The following EPB41L4B variants were observed in gnomAD, a reference collection of about 807,000 sequenced individuals.
The protein encoded by EPB41L4B is band 4.1-like protein 4B.
A neutral mutation model predicts 112.5 loss-of-function variants in EPB41L4B; 30 were observed. The observed-to-expected ratio is 0.27, with a 90% confidence interval of 0.20 to 0.36. The LOEUF is 0.36. Ranked by LOEUF, EPB41L4B falls within the 10% of genes least tolerant of loss-of-function variation. EPB41L4B has a pLI of 1.00. For missense variants in EPB41L4B, 1,024 were observed against 1,133.3 expected, an observed-to-expected ratio of 0.90 and a Z score of 1.38; for synonymous variants, 408 against 439.7, an observed-to-expected ratio of 0.93 and a Z score of 0.90.
At chr9:109,198,267 C>T (rs913766366) in intron 20 of EPB41L4B, among the ~76,000 whole-genome samples, 8 of 152,128 alleles carry the variant, frequency 5.3e-5, no homozygotes, top group African/African-American at 1.4e-4. Context: ...CTGGGTACCC[C>T]CTAAACTCCA....
Position 109,194,367 on chromosome 9 carries a change from G to A in EPB41L4B, c.2076C>T (p.Ala692=), listed in dbSNP as rs776435613. 4.3e-6 allele frequency: 7 copies of A among 1,614,106 alleles called. No homozygotes were observed. The highest frequency in any genetic ancestry group is 1.1e-5 in the South Asian group (1 of 91,086). The change falls in exon 21 of 26, where the codon GCC becomes GCT. Residue 692 remains alanine, a synonymous_variant. Transcript: ENST00000374566. ...TAGATGTGGTCACTCCCACTGCCTCGGCCAGGTCTGGAGGGAGGTCGTCTT... is the reference window on the plus strand; with the variant it reads ...TAGATGTGGTCACTCCCACTGCCTCAGCCAGGTCTGGAGGGAGGTCGTCTT... ...FDEDDLPPDL[A]EAVGVTTSTT...
chr9:109,269,326 G>C (rs916779312), intron 2 of EPB41L4B, among the ~76,000 whole-genome samples: 2 of 152,202 alleles, frequency 1.3e-5, no homozygotes, highest in Non-Finnish European at 2.9e-5. Context: ...CTCTAGCTTT[G>C]ACCAAAAGAA....
intron 6 of EPB41L4B, among the ~76,000 whole-genome samples, chr9:109,260,972 C>A (rs1835179464): frequency 6.6e-6 from 1 of 152,160 alleles, no homozygotes; most frequent in Admixed American, 6.5e-5. Flanking sequence ...AGGAGGAAAC[C>A]TTTCCAGTGG....
intron 1 of EPB41L4B, among the ~76,000 whole-genome samples, chr9:109,283,977 A>T (rs551305370): frequency 6.6e-6 from 1 of 152,212 alleles, no homozygotes; most frequent in South Asian, 2.1e-4. Context: ...ATGCATCTGT[A>T]GTCCTAGCTA....
intron 2 of EPB41L4B, among the ~76,000 whole-genome samples, chr9:109,270,300 C>T (rs1835563818): frequency 1.3e-5 from 2 of 152,202 alleles, no homozygotes; most frequent in South Asian, 4.1e-4. Flanking sequence ...TAGATACATC[C>T]AGAAGGAATT....
chr9:109,184,605 T>C (rs1432418053), intron 23 of EPB41L4B, among the ~76,000 whole-genome samples: 1 of 152,200 alleles, frequency 6.6e-6, no homozygotes, highest in Non-Finnish European at 1.5e-5. Context: ...ATTAGAAAAA[T>C]AGATTTCAAC....
At chr9:109,293,263 A>C (rs1401029479) in intron 1 of EPB41L4B, among the ~76,000 whole-genome samples, 1 of 152,220 alleles carries the variant, frequency 6.6e-6, no homozygotes, top group African/African-American at 2.4e-5. Flanking sequence ...AAGATTTTGT[A>C]TTTATGATGT....
chr9:109,229,868 C>A (rs1242300108), intron 15 of EPB41L4B, among the ~76,000 whole-genome samples: 1 of 152,142 alleles, frequency 6.6e-6, no homozygotes, highest in Admixed American at 6.5e-5. Context: ...GCATGCTATA[C>A]GTCACTTTCT....
chr9:109,248,205 G>A (rs2118993100), intron 13 of EPB41L4B, among the ~76,000 whole-genome samples: 1 of 152,332 alleles, frequency 6.6e-6, no homozygotes, highest in African/African-American at 2.4e-5. Flanking sequence ...CCACGGCAGG[G>A]GGAGGCACCG....
In EPB41L4B at chr9:109,203,023, G is replaced by C. The variant is rs138611678; in HGVS notation, c.1946+640C>G. ...TACAAAAATTAGCTGGCACAGTGGCGTGCACCTGTAATCCCAGTTACTCAG... is the reference window on the plus strand; with the variant it reads ...TACAAAAATTAGCTGGCACAGTGGCCTGCACCTGTAATCCCAGTTACTCAG... On this transcript the variant is annotated intron_variant, in intron 19 of 25. Coordinates refer to ENST00000374566, the MANE Select transcript of EPB41L4B (RefSeq NM_019114.5). 6.1e-3 allele frequency among the ~76,000 whole-genome samples: 927 copies of C among 152,160 alleles called. 7 individuals are homozygous for C. The highest frequency in any genetic ancestry group is 0.021 in the African/African-American group (876 of 41,512).
At chr9:109,273,279 C>A (rs1835695190) in intron 2 of EPB41L4B, among the ~76,000 whole-genome samples, 1 of 151,442 alleles carries the variant, frequency 6.6e-6, no homozygotes, top group Admixed American at 6.6e-5. Flanking sequence ...CAGAGTCTCG[C>A]TCTGTCACCC....
intron 1 of EPB41L4B, among the ~76,000 whole-genome samples, chr9:109,315,676 C>T (rs1174209730): frequency 1.3e-5 from 2 of 152,172 alleles, no homozygotes; most frequent in Admixed American, 6.5e-5. Context: ...CTCCAATGGG[C>T]CGGGGAGGTG....
At chr9:109,264,663 CT>C (rs962052939) in intron 5 of EPB41L4B, among the ~76,000 whole-genome samples, 1 of 152,182 alleles carries the variant, frequency 6.6e-6, no homozygotes, top group African/African-American at 2.4e-5. Flanking sequence ...TGTATACATA[CT>C]AATAACGTAT....
At position 109,173,709 on chromosome 9, in the gene EPB41L4B, C is replaced by T. The variant is rs1831708193; in HGVS notation, c.*845G>A. On this transcript the variant is annotated 3_prime_UTR_variant, in exon 26 of 26. Coordinates refer to ENST00000374566, the MANE Select transcript of EPB41L4B (RefSeq NM_019114.5). The stretch of plus-strand genomic sequence containing the variant: ...TTTGTGGTTAGGGGGTTGCTTTATT[C>T]CTGCAAAGTTGTTCAAGTGCATTAA... The T allele has an allele frequency of 6.6e-6, 1 of 152,532 alleles. No homozygotes were observed. Among genetic ancestry groups the T allele is most frequent in the Non-Finnish European group, 1.5e-5 (1 of 68,004 alleles). 9.4% of individuals were successfully genotyped at this position (152,532 alleles called of 1,614,324 possible). A position where few individuals can be genotyped will look rare whatever the true frequency, so the allele number is the denominator to read the frequency against.
intron 13 of EPB41L4B, among the ~76,000 whole-genome samples, chr9:109,251,106 CA>C (rs1834772226): frequency 6.6e-6 from 1 of 152,228 alleles, no homozygotes; most frequent in African/African-American, 2.4e-5. Context: ...CGTCACTGAG[CA>C]AATCTAGCAT....
At chr9:109,201,787 T>C (rs1017602892) in intron 19 of EPB41L4B, among the ~76,000 whole-genome samples, 6 of 152,008 alleles carry the variant, frequency 3.9e-5, no homozygotes, top group African/African-American at 1.2e-4. Context: ...GGGTTTTAAC[T>C]GGAGGGAAAG....
At chr9:109,287,988 T>A (rs1264325324) in intron 1 of EPB41L4B, among the ~76,000 whole-genome samples, 3 of 152,240 alleles carry the variant, frequency 2.0e-5, no homozygotes, top group Non-Finnish European at 2.9e-5. Context: ...GTACCTGGAC[T>A]ACAGCAACAG....
intron 1 of EPB41L4B, chr9:109,307,344 A>C (rs1032164841): frequency 7.4e-6 from 3 of 402,766 alleles, no homozygotes; most frequent in Non-Finnish European, 1.4e-5. Context: ...ATACTGAGGT[A>C]TCCTAAACAA....
intron 22 of EPB41L4B, among the ~76,000 whole-genome samples, chr9:109,190,646 C>T (rs73517300): frequency 6.6e-6 from 1 of 152,166 alleles, no homozygotes; most frequent in Non-Finnish European, 1.5e-5. Context: ...CAGGGAAAGA[C>T]ACAGACACAT....
Sources: gnomAD v4.1 joint callset for allele counts (sites outside exome capture counted in the v4.1 genomes callset) on GRCh38, gnomAD v4.1.1 for gene constraint, MANE v1.5 for transcripts, NCBI Gene and HGNC (gene_info 2026-07-23, HGNC 2026-07-21) for gene names.